Variants in RAP1GDS1 observed in about 807,000 individuals in gnomAD.
RAP1GDS1 encodes the protein RAP1, GTP-GDP dissociation stimulator 1.
A neutral mutation model predicts 71.1 loss-of-function variants in RAP1GDS1; 35 were observed. The observed-to-expected ratio is 0.49, with a 90% CI of 0.38 to 0.65. The LOEUF is 0.65. Among genes scored for constraint, RAP1GDS1 ranks in the 30% least tolerant of loss-of-function variants. The probability of loss-of-function intolerance (pLI) is 0.00; values close to 1 mark genes in which losing one functional copy is unlikely to be tolerated. For synonymous variants in RAP1GDS1, 229 were observed against 243.1 expected (o/e 0.94, Z 0.54); for missense variants, 663 against 706.1 (o/e 0.94, Z 0.69).
chr4:98,389,652 C>A (rs563459263), intron 5 of RAP1GDS1, among the ~76,000 whole-genome samples: 1 of 152,284 alleles, frequency 6.6e-6, no homozygotes, highest in South Asian at 2.1e-4. Context: ...TTCTCCCAAT[C>A]TGCCATAATT....
At chr4:98,267,614 T>C (rs948585228) in intron 1 of RAP1GDS1, among the ~76,000 whole-genome samples, 4 of 152,206 alleles carry the variant, frequency 2.6e-5, no homozygotes, top group African/African-American at 9.6e-5. Context: ...TTCTTGTTTC[T>C]ATGTTAATTT....
rs1739451190 is a variant in RAP1GDS1 at position 98,366,133 on chromosome 4, C to T, written c.362-12884C>T. ...GGTTTGGCTACATCCTCACCCAAAT[C>T]TCATCTTGAATTCCCATGTATTGTG... On this transcript the variant is annotated intron_variant, in intron 4 of 14. Coordinates refer to ENST00000408927, the MANE Select transcript of RAP1GDS1 (RefSeq NM_001100427.2). Among the ~76,000 whole-genome samples, 3 of 152,124 alleles carry T rather than the reference C, an allele frequency of 2.0e-5. No individual in the cohort carries two copies. In the South Asian group the frequency reaches 6.2e-4, roughly 31 times the overall value.
chr4:98,295,965 C>G (rs1006650393), intron 2 of RAP1GDS1, among the ~76,000 whole-genome samples: 4 of 151,988 alleles, frequency 2.6e-5, no homozygotes, highest in African/African-American at 4.8e-5. Flanking sequence ...GCCATTGCTA[C>G]TTCTGTCCTC....
rs185618754 is a variant in RAP1GDS1 at position 98,294,558 on chromosome 4, G to T, written c.112+1043G>T. Among the ~76,000 whole-genome samples, 400 of 152,082 alleles carry T rather than the reference G, an allele frequency of 2.6e-3. 1 individual carries two copies. Among genetic ancestry groups the T allele is most frequent in the Middle Eastern group, 0.01 (3 of 292 alleles). ...GAGTTCAATAAGAGCATCCAGATAA[G>T]GCTCAAAATGGTAAAGAAAAAGGAC... On this transcript the variant is annotated intron_variant, in intron 2 of 14. Coordinates refer to ENST00000408927, the MANE Select transcript of RAP1GDS1 (RefSeq NM_001100427.2).
At chr4:98,284,041 G>T (rs566162388) in intron 1 of RAP1GDS1, among the ~76,000 whole-genome samples, 1 of 152,188 alleles carries the variant, frequency 6.6e-6, no homozygotes, top group East Asian at 1.9e-4. Context: ...GGAAGAGCCT[G>T]TACTTGCAGA....
At chr4:98,427,043 A>T (rs943421346) in intron 12 of RAP1GDS1, among the ~76,000 whole-genome samples, 3 of 152,306 alleles carry the variant, frequency 2.0e-5, no homozygotes, top group Non-Finnish European at 4.4e-5. Context: ...GTTTCATACC[A>T]GGGATGCAGG....
At chr4:98,438,373 G>A (rs764150895) in intron 14 of RAP1GDS1, among the ~76,000 whole-genome samples, 19 of 151,302 alleles carry the variant, frequency 1.3e-4, no homozygotes, top group South Asian at 2.1e-4. Context: ...TGAGTTTCCT[G>A]TATACAGCAC....
chr4:98,332,295 A>C (rs1467586531), intron 2 of RAP1GDS1, among the ~76,000 whole-genome samples: 1 of 152,220 alleles, frequency 6.6e-6, no homozygotes, highest in Non-Finnish European at 1.5e-5. Context: ...CAGCAGCCTG[A>C]GAAATTTCCT....
At chr4:98,389,382 T>C (rs1743264303) in intron 5 of RAP1GDS1, among the ~76,000 whole-genome samples, 1 of 152,032 alleles carries the variant, frequency 6.6e-6, no homozygotes, top group Admixed American at 6.6e-5. Context: ...TGTGAACAAA[T>C]TTTAGAATTA....
At chr4:98,425,953 A>G (rs1749549904) in intron 12 of RAP1GDS1, among the ~76,000 whole-genome samples, 4 of 152,194 alleles carry the variant, frequency 2.6e-5, no homozygotes, top group African/African-American at 9.7e-5. Context: ...ACTTTTCTCC[A>G]AGATAGACCA....
At chr4:98,440,537 A>T (rs917275254) in intron 14 of RAP1GDS1, among the ~76,000 whole-genome samples, 4 of 152,194 alleles carry the variant, frequency 2.6e-5, no homozygotes, top group Non-Finnish European at 4.4e-5. Flanking sequence ...TAATGGCCAA[A>T]CTAATGAGTG....
intron 4 of RAP1GDS1, among the ~76,000 whole-genome samples, chr4:98,355,228 G>A (rs946416509): frequency 6.6e-6 from 1 of 151,958 alleles, no homozygotes; most frequent in Non-Finnish European, 1.5e-5. Flanking sequence ...CTTCACTCTC[G>A]GGAATGTAAT....
chr4:98,313,708 A>G (rs1468451767), intron 2 of RAP1GDS1, among the ~76,000 whole-genome samples: 1 of 151,982 alleles, frequency 6.6e-6, no homozygotes. Flanking sequence ...TTGGCCAGGC[A>G]TGGTGGCAGG....
At chr4:98,274,096 T>C (rs185773179) in intron 1 of RAP1GDS1, among the ~76,000 whole-genome samples, 3 of 152,346 alleles carry the variant, frequency 2.0e-5, no homozygotes, top group South Asian at 2.1e-4. Flanking sequence ...AAAATGACTT[T>C]ATTGCAGTAT....
chr4:98,402,387 ACCT>A (rs1169369140), intron 6 of RAP1GDS1, among the ~76,000 whole-genome samples: 3 of 151,572 alleles, frequency 2.0e-5, no homozygotes, highest in Non-Finnish European at 4.4e-5. Context: ...TCTAAATGAA[ACCT>A]CCTTTTTGGG....
At chr4:98,261,712 T>G in intron 1 of RAP1GDS1, 143 bp downstream of exon 1, 1 of 1,137,416 alleles carries the variant, frequency 8.8e-7, no homozygotes, top group South Asian at 1.6e-5. Flanking sequence ...CCGGGGAGAG[T>G]CGGCGCACGC....
intron 5 of RAP1GDS1, among the ~76,000 whole-genome samples, chr4:98,385,535 G>T (rs1487968239): frequency 6.6e-6 from 1 of 151,808 alleles, no homozygotes; most frequent in African/African-American, 2.4e-5. Context: ...GAGAGGCGCT[G>T]AACCCAGAAA....
chr4:98,426,454 T>C (rs969698532), intron 12 of RAP1GDS1, among the ~76,000 whole-genome samples: 5 of 152,132 alleles, frequency 3.3e-5, no homozygotes, highest in African/African-American at 7.2e-5. Context: ...TTTGAGAAGA[T>C]GAATAAGATT....
chr4:98,380,588 A>G (rs1173250471), intron 5 of RAP1GDS1, among the ~76,000 whole-genome samples: 1 of 151,806 alleles, frequency 6.6e-6, no homozygotes, highest in Non-Finnish European at 1.5e-5. Flanking sequence ...AAATATAAAT[A>G]TGAGAAACAG....
Sources: gnomAD v4.1 joint callset for allele counts (sites outside exome capture counted in the v4.1 genomes callset) on GRCh38, gnomAD v4.1.1 for gene constraint, MANE v1.5 for transcripts, NCBI Gene and HGNC (gene_info 2026-07-23, HGNC 2026-07-21) for gene names.